Variants in FAM110B observed in about 807,000 individuals in gnomAD.
FAM110B encodes the protein family with sequence similarity 110 member B.
In FAM110B, 6 loss-of-function variants were observed where a neutral mutation model predicts 20.4. That is an observed-to-expected ratio of 0.29 (90% CI 0.16 to 0.58). The LOEUF (loss-of-function observed/expected upper bound fraction) is 0.58. FAM110B is among the 20% of genes least tolerant of loss of function. The pLI, the probability that FAM110B is intolerant of heterozygous loss-of-function variation, is 0.90. For missense variants in FAM110B, 434 were observed against 498.2 expected, an observed-to-expected ratio of 0.87 and a Z score of 1.23; for synonymous variants, 226 against 214.1, an observed-to-expected ratio of 1.06 and a Z score of -0.49.
chr8:58,103,534 A>G (rs1037596269), intron 3 of FAM110B, among the ~76,000 whole-genome samples: 6 of 152,208 alleles, frequency 3.9e-5, no homozygotes, highest in African/African-American at 1.4e-4. Flanking sequence ...ATAAGCAAAC[A>G]TTCATGTCCC....
intron 3 of FAM110B, among the ~76,000 whole-genome samples, chr8:58,142,092 G>A (rs1317997296): frequency 1.3e-5 from 2 of 152,202 alleles, no homozygotes; most frequent in Admixed American, 6.5e-5. Context: ...AAGTTAGAAA[G>A]GTTCAGGCCA....
chr8:58,096,405 T>C (rs1806630000), intron 3 of FAM110B, among the ~76,000 whole-genome samples: 1 of 152,206 alleles, frequency 6.6e-6, no homozygotes, highest in Non-Finnish European at 1.5e-5. Flanking sequence ...CTTGAACTCC[T>C]GACCTCGTGA....
chr8:58,029,316 G>T (rs967340591), intron 1 of FAM110B, among the ~76,000 whole-genome samples: 11 of 152,148 alleles, frequency 7.2e-5, no homozygotes, highest in African/African-American at 2.4e-4. Flanking sequence ...CTATGAATAA[G>T]ACAGGGAAAC....
chr8:58,046,626 C>G (rs148618063), intron 2 of FAM110B, among the ~76,000 whole-genome samples: 184 of 152,348 alleles, frequency 1.2e-3, no homozygotes, highest in African/African-American at 4.1e-3. Context: ...CTGGGGCAAC[C>G]TTTGAAACTC....
intron 1 of FAM110B, among the ~76,000 whole-genome samples, chr8:58,013,967 G>A (rs1326594791): frequency 2.0e-5 from 3 of 152,094 alleles, no homozygotes; most frequent in Non-Finnish European, 4.4e-5. Context: ...AAAGTGACTG[G>A]GACATGGGCC....
chr8:58,035,526 G>T (rs1805060318), intron 2 of FAM110B, among the ~76,000 whole-genome samples: 1 of 152,184 alleles, frequency 6.6e-6, no homozygotes, highest in Admixed American at 6.5e-5. Flanking sequence ...ATAATTCACT[G>T]TAAGTCACCT....
At chr8:58,058,580 A>C (rs1353703838) in intron 2 of FAM110B, among the ~76,000 whole-genome samples, 1 of 152,158 alleles carries the variant, frequency 6.6e-6, no homozygotes, top group Non-Finnish European at 1.5e-5. Context: ...TTATAAAATA[A>C]TCTCAATATC....
chr8:58,079,095 C>T (rs1806119606), intron 3 of FAM110B, among the ~76,000 whole-genome samples: 1 of 152,128 alleles, frequency 6.6e-6, no homozygotes, highest in Non-Finnish European at 1.5e-5. Flanking sequence ...TGCCTCTCCC[C>T]AGATCAGCTG....
At chr8:58,113,058 A>C (rs766140022) in intron 3 of FAM110B, 1 of 150,180 alleles carries the variant, frequency 6.7e-6, no homozygotes, top group African/African-American at 2.5e-5. Flanking sequence ...TTTTCTCTTC[A>C]GCCCCTTACA....
intron 3 of FAM110B, among the ~76,000 whole-genome samples, chr8:58,141,455 C>T (rs1031857491): frequency 1.3e-5 from 2 of 152,266 alleles, no homozygotes; most frequent in African/African-American, 2.4e-5. Flanking sequence ...TGACTTAGAG[C>T]TGAATTACTC....
chr8:58,009,715 A>G (rs1172154146), intron 1 of FAM110B, among the ~76,000 whole-genome samples: 4 of 152,180 alleles, frequency 2.6e-5, no homozygotes, highest in Non-Finnish European at 4.4e-5. Context: ...AGACTCTGTA[A>G]TTCATTGATT....
At chr8:58,132,783 C>G (rs1233831118) in intron 3 of FAM110B, among the ~76,000 whole-genome samples, 1 of 152,206 alleles carries the variant, frequency 6.6e-6, no homozygotes, top group African/African-American at 2.4e-5. Context: ...CAAATATCAG[C>G]AACTACCTTA....
chr8:58,003,878 C>G (rs939677963), intron 1 of FAM110B, among the ~76,000 whole-genome samples: 1 of 152,198 alleles, frequency 6.6e-6, no homozygotes, highest in Non-Finnish European at 1.5e-5. Context: ...AAGTTACCAA[C>G]TGCATTAGCT....
chr8:58,103,163 C>A (rs995831111), intron 3 of FAM110B, among the ~76,000 whole-genome samples: 2 of 151,672 alleles, frequency 1.3e-5, no homozygotes, highest in African/African-American at 2.4e-5. Context: ...GCATGTATTT[C>A]TTTCTTTCTT....
At chr8:58,075,252 C>T (rs944992632) in intron 2 of FAM110B, among the ~76,000 whole-genome samples, 1 of 120,210 alleles carries the variant, frequency 8.3e-6, no homozygotes, top group African/African-American at 5.6e-5. Context: ...CCACACTGAA[C>T]TAATTTTTGC....
intron 1 of FAM110B, among the ~76,000 whole-genome samples, chr8:58,014,014 G>A (rs1804591742): frequency 1.3e-5 from 2 of 152,118 alleles, no homozygotes; most frequent in Admixed American, 1.3e-4. Context: ...CTAAGACGTG[G>A]CATCTGCTTG....
At chr8:58,041,428 A>G (rs955998269) in intron 2 of FAM110B, among the ~76,000 whole-genome samples, 6 of 152,186 alleles carry the variant, frequency 3.9e-5, no homozygotes, top group Non-Finnish European at 7.3e-5. Flanking sequence ...AGTCATGACT[A>G]TGTACCATCA....
chr8:58,092,223 T>C (rs1806498616), intron 3 of FAM110B, among the ~76,000 whole-genome samples: 1 of 152,202 alleles, frequency 6.6e-6, no homozygotes, highest in Non-Finnish European at 1.5e-5. Flanking sequence ...AACATCCTCA[T>C]GGAGACATGC....
At chr8:58,038,866 T>A (rs1025329741) in intron 2 of FAM110B, among the ~76,000 whole-genome samples, 20 of 152,340 alleles carry the variant, frequency 1.3e-4, no homozygotes, top group Non-Finnish European at 2.4e-4. Flanking sequence ...AGAGAAGAGC[T>A]TGGCATTCAG....
Sources: gnomAD v4.1 joint callset for allele counts (sites outside exome capture counted in the v4.1 genomes callset) on GRCh38, gnomAD v4.1.1 for gene constraint, MANE v1.5 for transcripts, NCBI Gene and HGNC (gene_info 2026-07-23, HGNC 2026-07-21) for gene names.